WDR62: variants seen among roughly 807,000 people sequenced by gnomAD.
WDR62 encodes the protein WD repeat domain 62, also known as WD repeat-containing protein 62.
Under a neutral mutation model 160.6 loss-of-function variants are expected in WDR62, and 112 were observed. The observed-to-expected ratio is 0.70, with a 90% CI of 0.60 to 0.82. The LOEUF (loss-of-function observed/expected upper bound fraction) is 0.82, where lower values mean the gene tolerates loss of function less well. WDR62 is among the 40% of genes least tolerant of loss of function. The pLI is 0.00. For synonymous variants in WDR62, 792 were observed against 815.1 expected, an observed-to-expected ratio of 0.97 and a Z score of 0.48; for missense variants, 1,819 against 1,983.8, an observed-to-expected ratio of 0.92 and a Z score of 1.58.
intron 12 of WDR62, 121 bp downstream of exon 12, chr19:36,084,865 C>A: frequency 1.1e-6 from 1 of 899,466 alleles, no homozygotes; most frequent in African/African-American, 1.6e-5. Context: ...GTTTTGTGTT[C>A]GGTAAGGGCC....
chr19:36,063,433 A>G (rs756864111), intron 3 of WDR62, among the ~76,000 whole-genome samples: 2 of 150,372 alleles, frequency 1.3e-5, no homozygotes, highest in Non-Finnish European at 3.0e-5. Context: ...ATTTTTTTTT[A>G]GTAGAGACGG....
Position 36,101,295 on chromosome 19 carries a change from A to G in WDR62, c.2949A>G (p.Pro983=), listed in dbSNP as rs1208126255. 6.2e-7 allele frequency: 1 copy of G among 1,611,782 alleles called. No individual in the cohort carries two copies. Among genetic ancestry groups the G allele is most frequent in the Non-Finnish European group, 8.5e-7 (1 of 1,179,458 alleles). Residue 983 remains proline, a synonymous_variant, in exon 24 of 32, where the codon CCA becomes CCG. Coordinates refer to ENST00000401500, the MANE Select transcript of WDR62 (RefSeq NM_001083961.2). The part of the protein sequence containing the change: ...DSYLRVSSDS[P]KDQSPPEDSG... ...ACCTCAGGGTGTCCTCCGACAGCCC[A>G]AAGGACCAGAGCCCGCCTGAGGGTG... is the stretch of plus-strand genomic sequence containing the variant.
chr19:36,103,569 G>A lies in WDR62; in HGVS notation c.3741G>A (p.Gln1247=). The stretch of plus-strand genomic sequence containing the variant: ...GCCCTATCGTGGCCACACTGGCCCA[G>A]CCCCTCCGTAGGCCATCGTCCGTTG... The part of the protein sequence containing the change: ...SEGPIVATLA[Q]PLRRPSSVGE... The change falls in exon 30 of 32, where the codon CAG becomes CAA. Residue 1247 remains glutamine, a synonymous_variant. Coordinates refer to ENST00000401500, the MANE Select transcript of WDR62 (RefSeq NM_001083961.2). 3.1e-6 allele frequency: 5 copies of A among 1,613,868 alleles called. No homozygotes were observed. Among genetic ancestry groups the A allele is most frequent in the Non-Finnish European group, 4.2e-6 (5 of 1,180,024 alleles).
intron 2 of WDR62, 142 bp from the exon 3 acceptor site, chr19:36,059,826 A>G: frequency 3.6e-6 from 3 of 835,630 alleles, no homozygotes; most frequent in Non-Finnish European, 6.3e-6. Context: ...CTCAGCGTAA[A>G]CACCTGGAGG....
intron 15 of WDR62, 52 bp from the exon 16 acceptor site, chr19:36,090,393 G>A: frequency 6.4e-7 from 1 of 1,566,940 alleles, no homozygotes; most frequent in Non-Finnish European, 8.8e-7. Context: ...AGAGAATGAG[G>A]TGGTGGGGTA....
Position 36,090,553 on chromosome 19 carries a change from C to T in WDR62, c.2034+33C>T. On this transcript the variant is annotated intron_variant, in intron 16 of 31. Transcript: ENST00000401500. ...GTTGGAGACCCCTGTCTGTCTGCTG[C>T]CCTGATGGGCCACCTATTGTGACGG... 4 of 1,601,026 alleles carry T rather than the reference C, an allele frequency of 2.5e-6. No homozygotes were observed. The South Asian group carries it at 4.4e-5, about 18-fold the overall frequency.
intron 20 of WDR62, 105 bp downstream of exon 20, chr19:36,094,269 G>T: frequency 1.0e-5 from 15 of 1,485,382 alleles, no homozygotes; most frequent in Non-Finnish European, 1.3e-5. Flanking sequence ...AAACTCAGGA[G>T]TCGACAGGGT....
chr19:36,091,915 C>T (rs1229763669), intron 18 of WDR62, among the ~76,000 whole-genome samples: 1 of 151,876 alleles, frequency 6.6e-6, no homozygotes, highest in Non-Finnish European at 1.5e-5. Flanking sequence ...AAACATATCC[C>T]AGCTCTGCCA....
chr19:36,104,916 C>G lies in WDR62; in HGVS notation c.4460C>G (p.Pro1487Arg), dbSNP rs1274249873. The G allele has an allele frequency of 9.3e-6, 15 of 1,610,256 alleles. No individual in the cohort carries two copies. Among genetic ancestry groups the G allele is most frequent in the Non-Finnish European group, 9.3e-6 (11 of 1,179,482 alleles). Reference sequence around the variant, plus strand: ...GCCCAGGCTCTGCCCAGCCCAGGACCCCCGTCCCCACCGACGCTGTACCCC... The same window carrying G: ...GCCCAGGCTCTGCCCAGCCCAGGACGCCCGTCCCCACCGACGCTGTACCCC... ...APAQALPSPG[P>R]PSPPTLYPLA... Residue 1487 changes from proline to arginine, a missense_variant, in exon 32 of 32, where the codon CCC becomes CGC. By Grantham distance (103) the Pro-to-Arg change is moderately radical. Transcript: ENST00000401500.
chr19:36,084,795 C>A, intron 12 of WDR62, 51 bp downstream of exon 12: 1 of 1,549,178 alleles, frequency 6.5e-7, no homozygotes, highest in East Asian at 2.2e-5. Context: ...GGCAGCCCCC[C>A]TGGCAGGGCC....
chr19:36,099,265 A>AAATAT (rs1973172505), intron 21 of WDR62, 134 bp from the exon 22 acceptor site: 1 of 657,584 alleles, frequency 1.5e-6, no homozygotes, highest in East Asian at 2.8e-5. Context: ...TTCACGCTGG[A>AAATAT]GATATGTACC....
intron 15 of WDR62, 32 bp downstream of exon 15, chr19:36,089,338 T>C (rs779324098): frequency 6.2e-7 from 1 of 1,614,162 alleles, no homozygotes; most frequent in Non-Finnish European, 8.5e-7. Context: ...TTAGCTGGCC[T>C]GGTCTGCCTT....
At chr19:36,060,287 T>C (rs1297477258) in intron 3 of WDR62, 2 of 535,868 alleles carry the variant, frequency 3.7e-6, no homozygotes, top group Non-Finnish European at 6.7e-6. Flanking sequence ...TCATGATCAG[T>C]GCTATGGAGG....
intron 8 of WDR62, among the ~76,000 whole-genome samples, chr19:36,072,059 C>T (rs983380796): frequency 1.3e-5 from 2 of 152,208 alleles, no homozygotes; most frequent in African/African-American, 4.8e-5. Flanking sequence ...TAAGTGCCAG[C>T]CCTGGGCTGG....
In WDR62 at chr19:36,083,171, G is replaced by A. The variant is rs587784543; in HGVS notation, c.1480G>A (p.Gly494Arg). The stretch of plus-strand genomic sequence containing the variant: ...TGGGACACCCATGGACGTGAAAGCC[G>A]GGGTGCGGGTCATGCAGGTCAGTCC... ...ENGTPMDVKA[G>R]VRVMQVSPDG... is the part of the protein sequence containing the mutation. Residue 494 changes from glycine (G) to arginine (R), a missense_variant, in exon 11 of 32, where the codon GGG becomes AGG. Coordinates refer to ENST00000401500, the MANE Select transcript of WDR62 (RefSeq NM_001083961.2). 1.1e-4 allele frequency: 178 copies of A among 1,612,356 alleles called. No homozygotes were observed. The highest frequency in any genetic ancestry group is 1.4e-4 in the Non-Finnish European group (164 of 1,179,168).
chr19:36,071,917 G>T (rs1971322641), intron 8 of WDR62, among the ~76,000 whole-genome samples: 1 of 152,254 alleles, frequency 6.6e-6, no homozygotes, highest in African/African-American at 2.4e-5. Context: ...TGGGTAGGGG[G>T]AAGAAACAGT....
intron 16 of WDR62, among the ~76,000 whole-genome samples, chr19:36,090,831 C>T (rs992085111): frequency 6.6e-6 from 1 of 152,180 alleles, no homozygotes; most frequent in African/African-American, 2.4e-5. Context: ...CCACGGGTCA[C>T]TCAGGACAAG....
At chr19:36,070,079 G>C (rs1250069475) in intron 7 of WDR62, among the ~76,000 whole-genome samples, 2 of 149,412 alleles carry the variant, frequency 1.3e-5, no homozygotes, top group African/African-American at 4.9e-5. Context: ...TTAAAAATTG[G>C]AGGTACCATT....
At position 36,099,477 on chromosome 19, in the gene WDR62, C is replaced by T; in HGVS notation, c.2599C>T (p.Arg867Trp). 4 of 1,613,996 alleles carry T rather than the reference C, an allele frequency of 2.5e-6. No homozygotes were observed. The highest frequency in any genetic ancestry group is 1.1e-5 in the South Asian group (1 of 91,086). The change falls in exon 22 of 32, where the codon CGG (arginine) becomes TGG (tryptophan). Residue 867 changes from arginine (R) to tryptophan (W), a missense_variant. Physicochemically the swap from Arg to Trp is moderately radical, Grantham distance 101. Transcript: ENST00000401500. ...CCAGCCCCACGGCCGCTGGGCAGAGCGGGCCGGCCAAGAGCCCCTCAAGAC... is the reference window on the plus strand; with the variant it reads ...CCAGCCCCACGGCCGCTGGGCAGAGTGGGCCGGCCAAGAGCCCCTCAAGAC... ...SYQPHGRWAE[R>W]AGQEPLKTIL...
Sources: allele counts gnomAD v4.1 joint callset (sites outside exome capture counted in the v4.1 genomes callset), GRCh38; gene constraint gnomAD v4.1.1; transcripts MANE v1.5; gene names NCBI Gene and HGNC (gene_info 2026-07-23, HGNC 2026-07-21).